Variants in ATP2A3 observed in about 807,000 individuals in gnomAD.
The protein encoded by ATP2A3 is sarcoplasmic/endoplasmic reticulum calcium ATPase 3.
Under a neutral mutation model 106.8 loss-of-function variants are expected in ATP2A3, and 61 were observed. The ratio of observed to expected loss-of-function variants is 0.57; its 90% CI spans 0.46 to 0.71. The LOEUF (loss-of-function observed/expected upper bound fraction) is 0.71. ATP2A3 is among the 30% of genes least tolerant of loss of function. The pLI, the probability that ATP2A3 is intolerant of heterozygous loss-of-function variation, is 0.00. For synonymous variants in ATP2A3, 611 were observed against 609.3 expected (o/e 1.00, Z -0.04); for missense variants, 1,201 against 1,423.5 (o/e 0.84, Z 2.52).
In ATP2A3 at chr17:3,926,714, C is replaced by T. The variant is rs961072321; in HGVS notation, c.2981-1273G>A. The T allele has an allele frequency of 7.0e-5, 21 of 298,180 alleles. No individual in the cohort carries two copies. The highest frequency in any genetic ancestry group is 1.0e-4 in the Non-Finnish European group (21 of 201,812). The allele number at this position is 298,180 out of a possible 1,614,324, so 18.5% of individuals were successfully genotyped here. A position where few individuals can be genotyped will look rare whatever the true frequency, so the allele number is the denominator to read the frequency against. On this transcript the variant is annotated intron_variant, in intron 20 of 20. Coordinates refer to ENST00000397041, the MANE Select transcript of ATP2A3 (RefSeq NM_005173.4). This position sits in a 1 kb window ranked among gnomAD's most constrained non-coding sequence, Gnocchi z 4.6. ...CCTCCCGAGTAGCTGGGATTATAGG[C>T]ACCTGCCACCACGCCCAGCTAATTT...
chr17:3,928,716 G>A lies in ATP2A3; in HGVS notation c.2927C>T (p.Pro976Leu). ...QWVVVLQISL[P>L]VILLDEALKY... is the part of the protein sequence containing the mutation. ...GAGGGCCTCATCCAGCAGGATGACA[G>A]GCAGAGATATCTGGAGCACCACCAC... The change falls in exon 20 of 21, where the codon CCT becomes CTT. Residue 976 changes from proline to leucine, a missense_variant. This residue lies in a region of ATP2A3 where 935 missense variants were observed against 1,176.7 expected (regional missense o/e 0.79). Transcript: ENST00000397041. The surrounding 1 kb of genome is among the most constrained non-coding windows in gnomAD (Gnocchi z 6.1). 2 of 1,551,586 alleles carry A rather than the reference G, an allele frequency of 1.3e-6. No individual in the cohort carries two copies. The highest frequency in any genetic ancestry group is 1.2e-5 in the South Asian group (1 of 84,076).
rs1401844030 is a variant in ATP2A3 at position 3,926,090 on chromosome 17, GC to G, written c.2981-650del. Among the ~76,000 whole-genome samples the G allele has an allele frequency of 3.3e-5, 5 of 151,634 alleles. No individual in the cohort carries two copies. Among genetic ancestry groups the G allele is most frequent in the Admixed American group, 6.6e-5 (1 of 15,222 alleles). On this transcript the variant is annotated intron_variant, in intron 20 of 20. Coordinates refer to ENST00000397041, the MANE Select transcript of ATP2A3 (RefSeq NM_005173.4). This position sits in a 1 kb window ranked among gnomAD's most constrained non-coding sequence, Gnocchi z 4.6. ...AACTGCTCAGCCACACCTGGGCAGA[GC>G]CAGGAGGTGGGGTGAGAGGACCGCC...
chr17:3,953,646 A>G lies in ATP2A3; in HGVS notation c.136+47T>C. On this transcript the variant is annotated intron_variant, in intron 2 of 20. Coordinates refer to ENST00000397041, the MANE Select transcript of ATP2A3 (RefSeq NM_005173.4). This position sits in a 1 kb window ranked among gnomAD's most constrained non-coding sequence, Gnocchi z 5.1. Reference sequence around the variant, plus strand: ...GTCATGACCAGACAGAGAACGACCCAGGGATGCTGCCCGCGGCCTAGAGGT... The same window carrying G: ...GTCATGACCAGACAGAGAACGACCCGGGGATGCTGCCCGCGGCCTAGAGGT... The G allele has an allele frequency of 6.4e-7, 1 of 1,557,178 alleles. No homozygotes were observed. The highest frequency in any genetic ancestry group is 8.7e-7 in the Non-Finnish European group (1 of 1,149,902).
rs1004804176 is a variant in ATP2A3, at chr17:3,924,684, C to T, written c.*738G>A. On this transcript the variant is annotated 3_prime_UTR_variant, in exon 21 of 21. Transcript: ENST00000397041. The surrounding 1 kb of genome is among the most constrained non-coding windows in gnomAD (Gnocchi z 6.4). ...GGGAACCCTGAGTCCAGGAGGCGCG[C>T]GGGGCTGAGGCAGTCCAGCCAGGCT... is the stretch of plus-strand genomic sequence containing the variant. 2.7e-5 allele frequency: 12 copies of T among 450,892 alleles called. No homozygotes were observed. The highest frequency in any genetic ancestry group is 7.8e-5 in the South Asian group (5 of 63,862). 27.9% of individuals were successfully genotyped at this position (450,892 alleles called of 1,614,324 possible).
At chr17:3,959,189 G>A (rs752258731) in intron 1 of ATP2A3, among the ~76,000 whole-genome samples, 2 of 151,998 alleles carry the variant, frequency 1.3e-5, no homozygotes, top group African/African-American at 2.4e-5. Context: ...GCTAGCCACC[G>A]CGCCCGGCCT....
chr17:3,942,038 G>A (rs2053814074), intron 12 of ATP2A3, among the ~76,000 whole-genome samples: 1 of 152,192 alleles, frequency 6.6e-6, no homozygotes, highest in African/African-American at 2.4e-5. Context: ...CAGCAGGGAG[G>A]CAGGCTGAGC....
Position 3,936,197 on chromosome 17 carries a change from C to T in ATP2A3, c.2524+70G>A. 1 of 1,577,786 alleles carries T rather than the reference C, an allele frequency of 6.3e-7. No homozygotes were observed. The highest frequency in any genetic ancestry group is 2.2e-5 in the East Asian group (1 of 44,668). Reference sequence around the variant, plus strand: ...AAGCCAGGCTGAGTCACACTGTCTGCAGCTTGCAAGCCTGATACAAGGCTC... The same window carrying T: ...AAGCCAGGCTGAGTCACACTGTCTGTAGCTTGCAAGCCTGATACAAGGCTC... On this transcript the variant is annotated intron_variant, in intron 16 of 20. Transcript: ENST00000397041. This position sits in a 1 kb window ranked among gnomAD's most constrained non-coding sequence, Gnocchi z 5.4.
At chr17:3,952,881 C>G (rs1419174303) in intron 3 of ATP2A3, among the ~76,000 whole-genome samples, 1 of 152,234 alleles carries the variant, frequency 6.6e-6, no homozygotes, top group African/African-American at 2.4e-5. Context: ...CATGAGCTGT[C>G]AGGCCCAGCT....
In ATP2A3 at chr17:3,947,753, C is replaced by T. The variant is rs759123767; in HGVS notation, c.733G>A (p.Glu245Lys). Reference protein sequence around the residue: ...IRSQMAAVEPERTPLQRKLDE... With the variant: ...IRSQMAAVEPKRTPLQRKLDE... ...AGCTTGCGCTGCAGCGGCGTCCGCT[C>T]GGGCTCGACTGCCGCCATCTGGCTC... The change falls in exon 8 of 21, where the codon GAG becomes AAG. Residue 245 changes from glutamate (E) to lysine (K), a missense_variant. Physicochemically the swap from Glu to Lys is moderately conservative, Grantham distance 56 (BLOSUM62 1). Transcript: ENST00000397041. The surrounding 1 kb of genome is among the most constrained non-coding windows in gnomAD (Gnocchi z 7.7). 3.7e-6 allele frequency: 6 copies of T among 1,606,384 alleles called. No individual in the cohort carries two copies. The highest frequency in any genetic ancestry group is 1.7e-5 in the Admixed American group (1 of 60,002).
chr17:3,951,759 G>A (rs751316548), intron 3 of ATP2A3, 74 bp from the exon 4 acceptor site: 35 of 1,395,416 alleles, frequency 2.5e-5, no homozygotes, highest in Admixed American at 7.8e-5. Context: ...TGGCACCCCG[G>A]ATCTCCTGCT....
intron 7 of ATP2A3, among the ~76,000 whole-genome samples, chr17:3,948,891 G>A (rs886272135): frequency 6.6e-6 from 1 of 152,088 alleles, no homozygotes; most frequent in Non-Finnish European, 1.5e-5. Context: ...AACTTTGGGA[G>A]GCCAAGGCGG....
chr17:3,944,794 A>T lies in ATP2A3; in HGVS notation c.1197T>A (p.Asp399Glu). Residue 399 changes from aspartate to glutamate, a missense_variant, in exon 10 of 21, where the codon GAT becomes GAA. Transcript: ENST00000397041. ...YTPEGEVRQG[D>E]QPVRCGQFDG... ...CGAACTGGCCGCAGCGCACAGGCTGATCCCCCTGCCGCCTGCGGAGCCGGG... is the reference window on the plus strand; with the variant it reads ...CGAACTGGCCGCAGCGCACAGGCTGTTCCCCCTGCCGCCTGCGGAGCCGGG... 1 of 1,611,016 alleles carries T rather than the reference A, an allele frequency of 6.2e-7. No homozygotes were observed. The highest frequency in any genetic ancestry group is 8.5e-7 in the Non-Finnish European group (1 of 1,178,882).
At position 3,929,439 on chromosome 17, in the gene ATP2A3, C is replaced by A. The variant is rs61731021; in HGVS notation, c.2751G>T (p.Ser917=). The A allele has an allele frequency of 6.3e-6, 10 of 1,591,176 alleles. No homozygotes were observed. Among genetic ancestry groups the A allele is most frequent in the Non-Finnish European group, 8.5e-6 (10 of 1,169,986 alleles). ...GCATCCGCAGCAGCGACTGGTTCTC[C>A]GAGACGCTGCCAGGGCACAGGGTGC... ...IEMCNALNSV[S]ENQSLLRMPP... Residue 917 remains serine, a synonymous_variant, in exon 19 of 21, where the codon TCG becomes TCT. Coordinates refer to ENST00000397041, the MANE Select transcript of ATP2A3 (RefSeq NM_005173.4). This position sits in a 1 kb window ranked among gnomAD's most constrained non-coding sequence, Gnocchi z 4.3.
intron 5 of ATP2A3, 53 bp from the exon 6 acceptor site, chr17:3,950,826 G>A: frequency 1.3e-6 from 2 of 1,563,404 alleles, no homozygotes; most frequent in South Asian, 1.1e-5. Context: ...CACCAGCTGG[G>A]AAAAGCCAGA....
At chr17:3,941,691 A>G (rs17846890) in intron 12 of ATP2A3, 37 bp from the exon 13 acceptor site, 1 of 1,593,324 alleles carries the variant, frequency 6.3e-7, no homozygotes, top group Non-Finnish European at 8.5e-7. Flanking sequence ...GTAACTCATC[A>G]GTCAGAACCC....
At position 3,930,689 on chromosome 17, in the gene ATP2A3, CAGA is replaced by C. The variant is rs1057321919; in HGVS notation, c.2611-258_2611-256del. The C allele has an allele frequency of 1.2e-4, 71 of 577,398 alleles. No homozygotes were observed. The highest frequency in any genetic ancestry group is 1.2e-4 in the Non-Finnish European group (40 of 320,500). The allele number at this position is 577,398 out of a possible 1,614,324, so 35.8% of individuals were successfully genotyped here. On this transcript the variant is annotated intron_variant, in intron 17 of 20. Transcript: ENST00000397041. This position sits in a 1 kb window ranked among gnomAD's most constrained non-coding sequence, Gnocchi z 5.4. ...GTTCTGGAGCAGGAGTGCAGCGGCT[CAGA>C]AGGAGAACAGCTGGCATTAGCCTGG...
chr17:3,942,988 A>T (rs1335927931), intron 11 of ATP2A3, among the ~76,000 whole-genome samples: 1 of 151,960 alleles, frequency 6.6e-6, no homozygotes, highest in Non-Finnish European at 1.5e-5. Flanking sequence ...TCTTTTCTCC[A>T]AGTCTTACTT....
At position 3,939,786 on chromosome 17, in the gene ATP2A3, T is replaced by TTAAAAAAAA. The variant is rs1555558101; in HGVS notation, c.2100+1184_2100+1185insTTTTTTTTA. On this transcript the variant is annotated intron_variant, in intron 14 of 20. Transcript: ENST00000397041. ...CTGGGTGACAGAGCGAGACTCTGTC[T>TTAAAAAAAA]AAAAAAAAAAAAAAAAAAAAAAAAA... 1.1e-3 allele frequency among the ~76,000 whole-genome samples: 54 copies of TTAAAAAAAA among 50,518 alleles called. 8 individuals carry two copies. The highest frequency in any genetic ancestry group is 3.2e-3 in the South Asian group (4 of 1,238). The allele number at this position is 50,518 out of a possible 152,430, so 33.1% of individuals were successfully genotyped here. A position where few individuals can be genotyped will look rare whatever the true frequency, so the allele number is the denominator to read the frequency against.
chr17:3,938,397 G>A (rs1178084516), intron 14 of ATP2A3, among the ~76,000 whole-genome samples: 1 of 151,874 alleles, frequency 6.6e-6, no homozygotes, highest in Non-Finnish European at 1.5e-5. Flanking sequence ...CTGCACTGCT[G>A]CACTCCAGCC....
Sources: gnomAD v4.1 joint callset for allele counts (sites outside exome capture counted in the v4.1 genomes callset) on GRCh38, gnomAD v4.1.1 for gene constraint, gnomAD v4.1.1 regional missense constraint, Gnocchi (gnomAD v3.1) non-coding constraint, MANE v1.5 for transcripts, NCBI Gene and HGNC (gene_info 2026-07-23, HGNC 2026-07-21) for gene names.